The following TAPBPL variants were observed in gnomAD, a reference collection of about 807,000 sequenced individuals.
The protein encoded by TAPBPL is tapasin-related protein.
In TAPBPL, 32 loss-of-function variants were observed where a neutral mutation model predicts 44.8. The observed-to-expected ratio is 0.71, with a 90% CI of 0.54 to 0.96. The LOEUF is 0.96. Among genes scored for constraint, TAPBPL ranks in the 40% least tolerant of loss-of-function variants. The pLI is 0.00. For missense variants in TAPBPL, 520 were observed against 586.6 expected (o/e 0.89, Z 1.17); for synonymous variants, 230 against 240.7 (o/e 0.96, Z 0.41).
intron 3 of TAPBPL, among the ~76,000 whole-genome samples, chr12:6,454,151 G>A (rs909077759): frequency 2.6e-5 from 4 of 152,170 alleles, no homozygotes; most frequent in Non-Finnish European, 4.4e-5. Context: ...GGCACCCCTA[G>A]GCCTTGGTCC....
At chr12:6,470,660 G>C, downstream of TAPBPL, 2 of 1,257,094 alleles carry the variant, frequency 1.6e-6, no homozygotes, top group South Asian at 1.2e-5. Context: ...CCGCGGTCTA[G>C]CTGCGCTGGA....
At chr12:6,470,643 G>A (rs1424364277), downstream of TAPBPL, 42 of 1,454,976 alleles carry the variant, frequency 2.9e-5, no homozygotes, top group Admixed American at 5.5e-5. Flanking sequence ...GCCTCGCGCC[G>A]ACTACCCCGC....
intron 5 of TAPBPL, among the ~76,000 whole-genome samples, chr12:6,459,993 C>G (rs1184785465): frequency 6.6e-6 from 1 of 151,966 alleles, no homozygotes; most frequent in Non-Finnish European, 1.5e-5. Flanking sequence ...TGGTCTCAAA[C>G]TCCTGACCTC....
chr12:6,456,172 C>T (rs980119011), intron 3 of TAPBPL, among the ~76,000 whole-genome samples: 2 of 152,022 alleles, frequency 1.3e-5, no homozygotes, highest in African/African-American at 2.4e-5. Flanking sequence ...AAACAAGAAT[C>T]ATGCAGTGCA....
intron 3 of TAPBPL, among the ~76,000 whole-genome samples, chr12:6,454,178 C>A (rs1434655216): frequency 6.6e-6 from 1 of 151,918 alleles, no homozygotes; most frequent in Admixed American, 6.6e-5. Flanking sequence ...CCTAAAAACC[C>A]CTGAGTCAGG....
At chr12:6,464,355 G>A, downstream of TAPBPL, 1 of 1,551,574 alleles carries the variant, frequency 6.4e-7, no homozygotes, top group Non-Finnish European at 8.7e-7. Flanking sequence ...GGGTGATGGA[G>A]AAGCCTGGGC....
chr12:6,465,113 G>A, downstream of TAPBPL: 3 of 853,294 alleles, frequency 3.5e-6, no homozygotes, highest in Non-Finnish European at 5.3e-6. Context: ...GCTTCCCAGG[G>A]GATCATAACC....
intron 5 of TAPBPL, among the ~76,000 whole-genome samples, chr12:6,460,346 A>G (rs1949818239): frequency 6.6e-6 from 1 of 152,070 alleles, no homozygotes. Context: ...GCTCACTGCA[A>G]ACTCTGCCTC....
Position 6,459,760 on chromosome 12 carries a change from ATTTAT to A in TAPBPL, c.1207+828_1207+832del, listed in dbSNP as rs1555127446. ...TATTTATTTATTTATTTATTTATTT[ATTTAT>A]TTTATTTTATTTTACTTTTTTTCGA... On this transcript the variant is annotated intron_variant, in intron 5 of 6. Transcript: ENST00000266556. 2.4e-3 allele frequency among the ~76,000 whole-genome samples: 262 copies of A among 110,484 alleles called. 2 individuals are homozygous for A. Among genetic ancestry groups the A allele is most frequent in the African/African-American group, 8.3e-3 (211 of 25,574 alleles). 72.5% of individuals were successfully genotyped at this position (110,484 alleles called of 152,430 possible). A position where few individuals can be genotyped will look rare whatever the true frequency, so the allele number is the denominator to read the frequency against.
rs191435476 is a variant in TAPBPL, at chr12:6,455,628, A to G, written c.566-1778A>G. 4.6e-5 allele frequency among the ~76,000 whole-genome samples: 7 copies of G among 150,864 alleles called. No individual in the cohort carries two copies. In the East Asian group the frequency reaches 1.4e-3, roughly 29 times the overall value. ...TTTTAGATATTTTTTAATTGATATG[A>G]TAATAGTCTCAACTATAAAGTCCAG... is the stretch of plus-strand genomic sequence containing the variant. On this transcript the variant is annotated intron_variant, in intron 3 of 6. Coordinates refer to ENST00000266556, the MANE Select transcript of TAPBPL (RefSeq NM_018009.5).
Position 6,458,723 on chromosome 12 carries a change from C to T in TAPBPL, c.983C>T (p.Pro328Leu), listed in dbSNP as rs1949766512. ...ATCTGCGACATTGCTGGCTATTACC[C>T]TCTGGATGTGGTGGTGACGTGGACC... ...TLICDIAGYYPLDVVVTWTRE... is the reference protein window; with the variant it reads ...TLICDIAGYYLLDVVVTWTRE... The change falls in exon 5 of 7, where the codon CCT becomes CTT. Residue 328 changes from proline to leucine, a missense_variant. By Grantham distance (98) the Pro-to-Leu change is moderately conservative. Transcript: ENST00000266556. The T allele has an allele frequency of 3.7e-6, 6 of 1,614,080 alleles. No homozygotes were observed. The highest frequency in any genetic ancestry group is 1.7e-5 in the Admixed American group (1 of 60,000).
intron 1 of TAPBPL, chr12:6,452,555 C>T: frequency 3.6e-6 from 5 of 1,397,756 alleles, no homozygotes; most frequent in Non-Finnish European, 4.6e-6. Flanking sequence ...GGTCAGGAGC[C>T]ACTGTCCTAC....
chr12:6,467,191 A>C (rs1950043446), downstream of TAPBPL: 1 of 162,744 alleles, frequency 6.1e-6, no homozygotes, highest in African/African-American at 2.4e-5. Flanking sequence ...GTAAATTGGT[A>C]CCAGTAGAGT....
chr12:6,452,215 C>A lies in TAPBPL; in HGVS notation c.-34C>A. On this transcript the variant is annotated 5_prime_UTR_variant, in exon 1 of 7. Coordinates refer to ENST00000266556, the MANE Select transcript of TAPBPL (RefSeq NM_018009.5). ...AGCAGCGTAGGACTGTGGAGAAGGG[C>A]GGTGGGCAAGGAGGGAACTCGAGAG... 6.4e-7 allele frequency: 1 copy of A among 1,559,912 alleles called. No individual in the cohort carries two copies. The highest frequency in any genetic ancestry group is 8.7e-7 in the Non-Finnish European group (1 of 1,151,638).
At chr12:6,455,889 T>TA in intron 3 of TAPBPL, among the ~76,000 whole-genome samples, 2 of 151,762 alleles carry the variant, frequency 1.3e-5, no homozygotes, top group Admixed American at 1.3e-4. Flanking sequence ...GTCTCCCAAG[T>TA]AGCTGGGATT....
At chr12:6,463,167 G>A (rs1476890248), downstream of TAPBPL, 6 of 1,442,968 alleles carry the variant, frequency 4.2e-6, no homozygotes, top group Non-Finnish European at 5.4e-6. This position sits in a 1 kb window ranked among gnomAD's most constrained non-coding sequence, Gnocchi z 4.0. Flanking sequence ...CATGCAAAGA[G>A]GAGGAAGAGA....
In TAPBPL at chr12:6,454,660, T is replaced by C. The variant is rs554830844; in HGVS notation, c.565+944T>C. Among the ~76,000 whole-genome samples, 19 of 152,284 alleles carry C rather than the reference T, an allele frequency of 1.2e-4. No homozygotes were observed. In the East Asian group the frequency reaches 2.1e-3, roughly 17 times the overall value. ...ATGGGTGCTGTCCACTGTAGTCTTA[T>C]CGAGCCAAAACCCGGTTTTCTCCCA... On this transcript the variant is annotated intron_variant, in intron 3 of 6. Transcript: ENST00000266556.
intron 3 of TAPBPL, among the ~76,000 whole-genome samples, chr12:6,456,040 G>A (rs1024302444): frequency 6.6e-6 from 1 of 152,082 alleles, no homozygotes. Context: ...GATTACAGGC[G>A]TGAGCCACTG....
chr12:6,471,562 T>A, the TAPBPL span, among the ~76,000 whole-genome samples: 3 of 152,230 alleles, frequency 2.0e-5, no homozygotes, highest in East Asian at 5.8e-4. This position sits in a 1 kb window ranked among gnomAD's most constrained non-coding sequence, Gnocchi z 4.0. Flanking sequence ...GCGCAGTGGC[T>A]CACACCTGTA....
Sources: gnomAD v4.1 joint callset for allele counts (sites outside exome capture counted in the v4.1 genomes callset) on GRCh38, gnomAD v4.1.1 for gene constraint, Gnocchi (gnomAD v3.1) non-coding constraint, MANE v1.5 for transcripts, NCBI Gene and HGNC (gene_info 2026-07-23, HGNC 2026-07-21) for gene names.